The following ARHGEF4 variants were observed in gnomAD, a reference collection of about 807,000 sequenced individuals.
ARHGEF4 encodes the protein Rho guanine nucleotide exchange factor 4.
Under a neutral mutation model 162.0 loss-of-function variants are expected in ARHGEF4, and 119 were observed. The ratio of observed to expected loss-of-function variants is 0.73; its 90% CI spans 0.63 to 0.86. The LOEUF (loss-of-function observed/expected upper bound fraction) is 0.86, where lower values mean the gene tolerates loss of function less well. Among genes scored for constraint, ARHGEF4 ranks in the 40% least tolerant of loss-of-function variants. The pLI is 0.00. For missense variants in ARHGEF4, 2,488 were observed against 2,456.0 expected (o/e 1.01, Z -0.28); for synonymous variants, 1,014 against 979.9 (o/e 1.03, Z -0.65).
intron 4 of ARHGEF4, among the ~76,000 whole-genome samples, chr2:130,963,295 C>A (rs997380988): frequency 2.0e-5 from 3 of 152,094 alleles, no homozygotes; most frequent in Non-Finnish European, 4.4e-5. Context: ...GCTCACCGTG[C>A]GCCTGGCTGA....
Position 130,931,212 on chromosome 2 carries a change from C to T in ARHGEF4, c.3813C>T (p.Val1271=), listed in dbSNP as rs376208636. The part of the protein sequence containing the change: ...QRKKLQKQAH[V]ERRLHIGAVH... ...AGAAGTTGCAGAAGCAGGCCCACGT[C>T]GAAAGGAGGCTGCACATAGGGGCAG... Residue 1271 remains valine, a synonymous_variant, in exon 3 of 14, where the codon GTC becomes GTT. Transcript: ENST00000409359. 9 of 1,613,422 alleles carry T rather than the reference C, an allele frequency of 5.6e-6. No homozygotes were observed. In the East Asian group the frequency reaches 6.7e-5, roughly 12 times the overall value.
chr2:130,951,922 C>T (rs1261524226), intron 4 of ARHGEF4, among the ~76,000 whole-genome samples: 1 of 152,130 alleles, frequency 6.6e-6, no homozygotes, highest in Non-Finnish European at 1.5e-5. Flanking sequence ...TACCATGTGT[C>T]ACCATTTTCT....
intron 4 of ARHGEF4, among the ~76,000 whole-genome samples, chr2:130,978,879 C>A (rs1685928121): frequency 6.6e-6 from 1 of 152,184 alleles, no homozygotes; most frequent in African/African-American, 2.4e-5. Context: ...TCACCTCCTG[C>A]TCTGCTTCAT....
At chr2:130,984,582 G>A (rs1381316446) in intron 4 of ARHGEF4, among the ~76,000 whole-genome samples, 2 of 151,640 alleles carry the variant, frequency 1.3e-5, no homozygotes, top group South Asian at 2.1e-4. Context: ...CCAGCTACTC[G>A]GGAGGCTGAG....
At chr2:130,852,833 G>C (rs1312336383) in intron 1 of ARHGEF4, among the ~76,000 whole-genome samples, 1 of 152,186 alleles carries the variant, frequency 6.6e-6, no homozygotes, top group Non-Finnish European at 1.5e-5. Context: ...ACTCCTCAGG[G>C]TTGTGCTCTG....
chr2:130,938,547 G>T (rs1397730150), intron 3 of ARHGEF4, among the ~76,000 whole-genome samples: 1 of 152,132 alleles, frequency 6.6e-6, no homozygotes, highest in East Asian at 1.9e-4. Context: ...TCAAACAATT[G>T]AGAGGTAAGG....
chr2:130,986,512 C>T (rs1465373416), intron 4 of ARHGEF4, among the ~76,000 whole-genome samples: 2 of 152,124 alleles, frequency 1.3e-5, no homozygotes, highest in Admixed American at 6.5e-5. Flanking sequence ...GCTCAGAGGG[C>T]GCTGGGGCCT....
chr2:130,977,637 TTG>T, intron 4 of ARHGEF4, among the ~76,000 whole-genome samples: 1 of 152,018 alleles, frequency 6.6e-6, no homozygotes, highest in East Asian at 1.9e-4. Context: ...TGTGTGTGTT[TTG>T]TGTTTTGCAT....
intron 2 of ARHGEF4, among the ~76,000 whole-genome samples, chr2:130,919,317 T>C (rs931519504): frequency 2.0e-5 from 3 of 152,160 alleles, no homozygotes; most frequent in Admixed American, 6.6e-5. Context: ...AAAAGTGGGA[T>C]TGCACAAAGG....
In ARHGEF4 at chr2:130,947,774, G is replaced by A. The variant is rs1161905665; in HGVS notation, c.3985+1139G>A. Among the ~76,000 whole-genome samples, 3 of 152,164 alleles carry A rather than the reference G, an allele frequency of 2.0e-5. No homozygotes were observed. In the East Asian group the frequency reaches 5.8e-4, roughly 29 times the overall value. The stretch of plus-strand genomic sequence containing the variant: ...TCCTCACACCCAACCCAGCAGGGCT[G>A]GACACGCTAAGTGAGGCTCAAGGCA... On this transcript the variant is annotated intron_variant, in intron 4 of 13. Transcript: ENST00000409359.
intron 4 of ARHGEF4, among the ~76,000 whole-genome samples, chr2:130,991,522 CG>C (rs879370089): frequency 5.9e-5 from 9 of 152,140 alleles, no homozygotes; most frequent in Non-Finnish European, 1.3e-4. Context: ...GTGGGCTTGG[CG>C]GGCCCGGCAC....
chr2:130,953,472 A>G (rs1684079435), intron 4 of ARHGEF4, among the ~76,000 whole-genome samples: 1 of 152,230 alleles, frequency 6.6e-6, no homozygotes, highest in Non-Finnish European at 1.5e-5. Flanking sequence ...AACCTAAGCA[A>G]TACCATTCAG....
intron 1 of ARHGEF4, among the ~76,000 whole-genome samples, chr2:130,882,564 T>C (rs1679263668): frequency 6.6e-6 from 1 of 151,844 alleles, no homozygotes; most frequent in Admixed American, 6.5e-5. Context: ...CTCAATACCC[T>C]CACCTTGGAA....
At chr2:130,888,342 G>A (rs1445473497) in intron 1 of ARHGEF4, among the ~76,000 whole-genome samples, 1 of 151,884 alleles carries the variant, frequency 6.6e-6, no homozygotes, top group Non-Finnish European at 1.5e-5. Context: ...ATGATGGCAG[G>A]TGCCTGTAAT....
intron 6 of ARHGEF4, 108 bp downstream of exon 6, chr2:131,039,140 C>T (rs1157511609): frequency 7.3e-7 from 1 of 1,376,668 alleles, no homozygotes; most frequent in Non-Finnish European, 9.6e-7. Context: ...GTGCAGAGCA[C>T]TGGGTGGTGG....
chr2:130,837,310 C>T (rs1033894472), intron 1 of ARHGEF4: 3 of 356,974 alleles, frequency 8.4e-6, no homozygotes, highest in Non-Finnish European at 1.5e-5. Context: ...CCGTCCTGGG[C>T]GCGCGGGGCA....
At chr2:131,020,157 T>A (rs1689018036) in intron 4 of ARHGEF4, among the ~76,000 whole-genome samples, 1 of 152,218 alleles carries the variant, frequency 6.6e-6, no homozygotes, top group South Asian at 2.1e-4. Flanking sequence ...TTTTTCCTTT[T>A]CAATGTGGAT....
intron 1 of ARHGEF4, among the ~76,000 whole-genome samples, chr2:130,870,314 G>A (rs1190539383): frequency 6.6e-6 from 1 of 152,198 alleles, no homozygotes; most frequent in East Asian, 1.9e-4. Flanking sequence ...TGGATGTCAC[G>A]AGTGGGATGT....
intron 1 of ARHGEF4, among the ~76,000 whole-genome samples, chr2:130,868,732 A>T (rs185769737): frequency 2.0e-5 from 3 of 152,332 alleles, no homozygotes; most frequent in Admixed American, 6.5e-5. Context: ...TAGTACAAAT[A>T]TTATGACTTA....
Sources: allele counts gnomAD v4.1 joint callset (sites outside exome capture counted in the v4.1 genomes callset), GRCh38; gene constraint gnomAD v4.1.1; transcripts MANE v1.5; gene names NCBI Gene and HGNC (gene_info 2026-07-23, HGNC 2026-07-21).